The following FBN1 variants were observed in gnomAD, a reference collection of about 807,000 sequenced individuals.
The protein encoded by FBN1 is fibrillin-1.
FBN1 carries 29 observed loss-of-function variants against 365.1 expected under a neutral mutation model. The ratio of observed to expected loss-of-function variants is 0.08; its 90% CI spans 0.06 to 0.11. FBN1 has a LOEUF of 0.11. FBN1 is among the 10% of genes least tolerant of loss of function. The probability of loss-of-function intolerance (pLI) is 1.00; values close to 1 mark genes in which losing one functional copy is unlikely to be tolerated. For synonymous variants in FBN1, 1,210 were observed against 1,270.5 expected, an observed-to-expected ratio of 0.95 and a Z score of 1.01; for missense variants, 2,476 against 3,703.2, an observed-to-expected ratio of 0.67 and a Z score of 8.60.
intron 62 of FBN1, 133 bp downstream of exon 62, chr15:48,421,425 A>G (rs1011409158): frequency 1.9e-6 from 2 of 1,041,914 alleles, no homozygotes; most frequent in African/African-American, 1.6e-5. Context: ...ACCTGTGCAC[A>G]CTATTTTAGC....
At chr15:48,437,500 G>T in intron 51 of FBN1, 113 bp from the exon 52 acceptor site, 1 of 993,748 alleles carries the variant, frequency 1.0e-6, no homozygotes, top group Non-Finnish European at 1.6e-6. Flanking sequence ...ATAAATGATG[G>T]AAAAAACAAG....
At position 48,610,716 on chromosome 15, in the gene FBN1, T is replaced by C. The variant is rs753262709; in HGVS notation, c.346+12A>G. ...TAAAATAATATTATATATAATGACA[T>C]GTTAGACTTACTGGATCTGGAGCCA... On this transcript the variant is annotated intron_variant, in intron 4 of 65. Transcript: ENST00000316623. 1.3e-6 allele frequency: 2 copies of C among 1,587,052 alleles called. No homozygotes were observed. The highest frequency in any genetic ancestry group is 1.7e-6 in the Non-Finnish European group (2 of 1,155,660).
At chr15:48,511,920 C>T (rs2043764001) in intron 13 of FBN1, among the ~76,000 whole-genome samples, 1 of 152,142 alleles carries the variant, frequency 6.6e-6, no homozygotes, top group South Asian at 2.1e-4. Context: ...ACATTGATTT[C>T]ATTTTATTTT....
intron 24 of FBN1, among the ~76,000 whole-genome samples, chr15:48,491,743 G>A (rs1597566715): frequency 6.6e-6 from 1 of 152,292 alleles, no homozygotes; most frequent in African/African-American, 2.4e-5. Flanking sequence ...ATCATTTCCA[G>A]AGTCATGAAC....
chr15:48,611,305 G>C (rs1046398915), intron 3 of FBN1, among the ~76,000 whole-genome samples: 10 of 152,076 alleles, frequency 6.6e-5, no homozygotes, highest in African/African-American at 2.4e-4. Context: ...CTGTCACCCA[G>C]GCTGGAGTGC....
At position 48,588,995 on chromosome 15, in the gene FBN1, T is replaced by A. The variant is rs549788980; in HGVS notation, c.538+7288A>T. 3.3e-5 allele frequency among the ~76,000 whole-genome samples: 5 copies of A among 152,298 alleles called. No individual in the cohort carries two copies. In the South Asian group the frequency reaches 1.0e-3, roughly 32 times the overall value. ...GAGCATTTGCTAACGTGTCAATAGT[T>A]TGCACTCCAGCAATTTATCGTGGCA... On this transcript the variant is annotated intron_variant, in intron 6 of 65. Coordinates refer to ENST00000316623, the MANE Select transcript of FBN1 (RefSeq NM_000138.5).
At chr15:48,490,483 C>T (rs73392178) in intron 24 of FBN1, among the ~76,000 whole-genome samples, 2,645 of 152,276 alleles carry the variant, frequency 0.017, 67 homozygotes, top group African/African-American at 0.056. Context: ...ATTGTTGGAG[C>T]GTGTCTGCCC....
At chr15:48,529,814 A>G (rs1282253243) in intron 8 of FBN1, 1 of 154,090 alleles carries the variant, frequency 6.5e-6, no homozygotes, top group East Asian at 1.9e-4. Context: ...ATACTATTTT[A>G]TAGTCACATC....
intron 46 of FBN1, 21 bp downstream of exon 46, chr15:48,448,747 T>A: frequency 1.9e-6 from 3 of 1,601,656 alleles, no homozygotes; most frequent in East Asian, 2.3e-5. Context: ...ATGAAAAAAA[T>A]AATAATAATT....
intron 64 of FBN1, among the ~76,000 whole-genome samples, chr15:48,413,537 T>C (rs2042880364): frequency 6.6e-6 from 1 of 152,222 alleles, no homozygotes; most frequent in Admixed American, 6.5e-5. Flanking sequence ...GTTTCACAAG[T>C]ACCTTGTTTT....
chr15:48,522,459 T>G (rs2043867340), intron 9 of FBN1, among the ~76,000 whole-genome samples: 1 of 152,140 alleles, frequency 6.6e-6, no homozygotes, highest in Non-Finnish European at 1.5e-5. Context: ...TAGTCCCTTG[T>G]GCCAAAAAGG....
At chr15:48,604,536 A>G (rs960154003) in intron 4 of FBN1, among the ~76,000 whole-genome samples, 2 of 152,194 alleles carry the variant, frequency 1.3e-5, no homozygotes, top group African/African-American at 4.8e-5. Context: ...CTTCACTAAA[A>G]TTCTCAAACA....
Position 48,422,199 on chromosome 15 carries a change from A to T in FBN1, c.7454-131T>A. ...CCCTGACTAGAAAGAAGCCACAGCA[A>T]AAGGCAAGGAGAGACACAGGGGGTA... On this transcript the variant is annotated intron_variant, in intron 60 of 65. Coordinates refer to ENST00000316623, the MANE Select transcript of FBN1 (RefSeq NM_000138.5). 3 of 713,796 alleles carry T rather than the reference A, an allele frequency of 4.2e-6. 1 individual carries two copies. The highest frequency in any genetic ancestry group is 5.1e-6 in the Non-Finnish European group (2 of 391,658). 44.2% of individuals were successfully genotyped at this position (713,796 alleles called of 1,614,324 possible).
intron 43 of FBN1, 81 bp from the exon 44 acceptor site, chr15:48,456,843 C>T (rs74488092): frequency 1.6e-3 from 1,193 of 743,436 alleles, no homozygotes; most frequent in Non-Finnish European, 2.3e-3. Flanking sequence ...AAAGTGCGTG[C>T]GTGTGTGTGT....
chr15:48,414,161 T>C (rs775820406), intron 64 of FBN1, among the ~76,000 whole-genome samples: 4 of 152,056 alleles, frequency 2.6e-5, no homozygotes, highest in Non-Finnish European at 5.9e-5. Context: ...CAGTTTAGAG[T>C]GTCACAATTT....
intron 59 of FBN1, 29 bp from the exon 60 acceptor site, chr15:48,425,520 T>C: frequency 6.2e-7 from 1 of 1,613,844 alleles, no homozygotes. Flanking sequence ...AGCGTGACTG[T>C]GCATCTAAAA....
intron 10 of FBN1, among the ~76,000 whole-genome samples, chr15:48,517,016 G>A (rs556827967): frequency 1.3e-5 from 2 of 152,278 alleles, no homozygotes; most frequent in South Asian, 4.1e-4. Flanking sequence ...GTAAGTGTCA[G>A]AGCTCAGGAC....
At chr15:48,529,032 C>T (rs970624398) in intron 8 of FBN1, 5 of 152,212 alleles carry the variant, frequency 3.3e-5, no homozygotes, top group African/African-American at 1.2e-4. Context: ...CTGTGTTCAT[C>T]TCCTTTTAAT....
chr15:48,554,848 T>C (rs1211681161), intron 6 of FBN1, among the ~76,000 whole-genome samples: 2 of 152,200 alleles, frequency 1.3e-5, no homozygotes, highest in Non-Finnish European at 2.9e-5. Context: ...TTCTTAATTA[T>C]AAATAGGGAT....
Sources: gnomAD v4.1 joint callset for allele counts (sites outside exome capture counted in the v4.1 genomes callset) on GRCh38, gnomAD v4.1.1 for gene constraint, MANE v1.5 for transcripts, NCBI Gene and HGNC (gene_info 2026-07-23, HGNC 2026-07-21) for gene names.